NTNG1: variants seen among roughly 807,000 people sequenced by gnomAD.
NTNG1 encodes the protein netrin-G1.
In NTNG1, 16 loss-of-function variants were observed where a neutral mutation model predicts 54.0. The observed-to-expected ratio is 0.30, with a 90% CI of 0.20 to 0.45. NTNG1 has a LOEUF of 0.45. Among genes scored for constraint, NTNG1 ranks in the 20% least tolerant of loss-of-function variants. The pLI is 1.00. For synonymous variants in NTNG1, 255 were observed against 263.1 expected (o/e 0.97, Z 0.30); for missense variants, 530 against 678.7 (o/e 0.78, Z 2.43).
chr1:107,434,196 C>T (rs554384557), intron 6 of NTNG1, among the ~76,000 whole-genome samples: 3 of 152,302 alleles, frequency 2.0e-5, no homozygotes, highest in African/African-American at 7.2e-5. Flanking sequence ...CAACTCATAT[C>T]TTTGACAAAA....
At chr1:107,311,146 C>A (rs1207548053) in intron 2 of NTNG1, among the ~76,000 whole-genome samples, 1 of 152,168 alleles carries the variant, frequency 6.6e-6, no homozygotes, top group African/African-American at 2.4e-5. Context: ...CTTTTCCCGA[C>A]TGAGACACCT....
intron 2 of NTNG1, among the ~76,000 whole-genome samples, chr1:107,224,389 A>G (rs1397841175): frequency 6.6e-6 from 1 of 152,136 alleles, no homozygotes; most frequent in Non-Finnish European, 1.5e-5. Context: ...ATTTTCAGGA[A>G]AATTGGTGCT....
chr1:107,474,188 C>A (rs749966601), intron 7 of NTNG1, among the ~76,000 whole-genome samples: 4 of 152,176 alleles, frequency 2.6e-5, no homozygotes, highest in Middle Eastern at 6.8e-3. Flanking sequence ...TAAAATGAAC[C>A]TTTCTGTTTA....
chr1:107,386,958 C>A (rs1013359226), intron 3 of NTNG1, among the ~76,000 whole-genome samples: 4 of 152,140 alleles, frequency 2.6e-5, no homozygotes, highest in Admixed American at 2.6e-4. Flanking sequence ...TGTGAATCGG[C>A]GTCTCATTGT....
At chr1:107,473,051 T>C (rs1216129844) in intron 7 of NTNG1, among the ~76,000 whole-genome samples, 1 of 152,186 alleles carries the variant, frequency 6.6e-6, no homozygotes, top group African/African-American at 2.4e-5. Context: ...TGATGTTTCT[T>C]TGAAAAGGAC....
chr1:107,359,049 G>C (rs1433482672), intron 3 of NTNG1, among the ~76,000 whole-genome samples: 2 of 152,144 alleles, frequency 1.3e-5, no homozygotes, highest in Non-Finnish European at 2.9e-5. Flanking sequence ...CTAGAAATCT[G>C]AACAAGGCAA....
chr1:107,396,310 A>G (rs1423736218), intron 4 of NTNG1, among the ~76,000 whole-genome samples: 2 of 152,080 alleles, frequency 1.3e-5, no homozygotes, highest in African/African-American at 2.4e-5. Context: ...AAACCTAAGA[A>G]CTAGTATCAT....
chr1:107,364,789 G>A (rs1354318251), intron 3 of NTNG1, among the ~76,000 whole-genome samples: 5 of 152,074 alleles, frequency 3.3e-5, no homozygotes, highest in Admixed American at 6.6e-5. Flanking sequence ...TTCCAAGTGC[G>A]AAATTACCTG....
At chr1:107,167,820 C>CTT (rs997393658) in intron 2 of NTNG1, among the ~76,000 whole-genome samples, 3 of 150,666 alleles carry the variant, frequency 2.0e-5, no homozygotes, top group African/African-American at 7.3e-5. Flanking sequence ...TAAAGCCATT[C>CTT]TTTTTTTTTC....
rs1251273705 is a variant in NTNG1, at chr1:107,483,523, A to G, written c.*2683A>G. The G allele has an allele frequency of 2.0e-5, 3 of 152,144 alleles. No homozygotes were observed. The highest frequency in any genetic ancestry group is 7.2e-5 in the African/African-American group (3 of 41,426). The allele number at this position is 152,144 out of a possible 1,614,324, so 9.4% of individuals were successfully genotyped here. A position where few individuals can be genotyped will look rare whatever the true frequency, so the allele number is the denominator to read the frequency against. ...ATTCTCAAGTTCTTCTAAAGGAGCT[A>G]CTCCTCTGAGGAAACCTCAACTCAG... is the stretch of plus-strand genomic sequence containing the variant. On this transcript the variant is annotated 3_prime_UTR_variant, in exon 8 of 8. Transcript: ENST00000370068.
At chr1:107,289,921 A>G (rs1665471034) in intron 2 of NTNG1, among the ~76,000 whole-genome samples, 1 of 152,192 alleles carries the variant, frequency 6.6e-6, no homozygotes, top group African/African-American at 2.4e-5. Context: ...GAATATTTTC[A>G]TATGAAATCA....
intron 3 of NTNG1, among the ~76,000 whole-genome samples, chr1:107,394,422 A>G (rs1296541050): frequency 7.0e-6 from 1 of 143,242 alleles, no homozygotes; most frequent in African/African-American, 2.5e-5. Context: ...ACCCTGCCAC[A>G]TGAAGGATTT....
chr1:107,243,531 G>A (rs1661980534), intron 2 of NTNG1, among the ~76,000 whole-genome samples: 1 of 152,198 alleles, frequency 6.6e-6, no homozygotes, highest in Non-Finnish European at 1.5e-5. Context: ...AATTGTATAA[G>A]TTGGTTGTGC....
At chr1:107,283,053 C>A (rs1243264190) in intron 2 of NTNG1, among the ~76,000 whole-genome samples, 1 of 152,050 alleles carries the variant, frequency 6.6e-6, no homozygotes, top group Non-Finnish European at 1.5e-5. Flanking sequence ...TCTCAAAGGC[C>A]CCACTTCCTA....
At chr1:107,451,111 T>TC (rs998262163) in intron 7 of NTNG1, among the ~76,000 whole-genome samples, 5 of 148,418 alleles carry the variant, frequency 3.4e-5, no homozygotes, top group Middle Eastern at 3.5e-3. Context: ...TTTCTTTCTT[T>TC]TTTTTTTTTT....
intron 3 of NTNG1, among the ~76,000 whole-genome samples, chr1:107,375,428 G>C (rs150700197): frequency 6.6e-6 from 1 of 152,280 alleles, no homozygotes; most frequent in East Asian, 1.9e-4. Context: ...TTTCAGGTGG[G>C]AGGTTAAATA....
At chr1:107,392,165 G>A (rs544179966) in intron 3 of NTNG1, among the ~76,000 whole-genome samples, 18 of 152,224 alleles carry the variant, frequency 1.2e-4, no homozygotes, top group African/African-American at 4.1e-4. Flanking sequence ...TGGAGATACA[G>A]AGCCCAGACT....
At chr1:107,455,547 A>G (rs1042082086) in intron 7 of NTNG1, 6 of 447,670 alleles carry the variant, frequency 1.3e-5, no homozygotes, top group African/African-American at 8.0e-5. Context: ...AAAGTAATAA[A>G]TGCCTGACTC....
chr1:107,278,034 C>T (rs1479471277), intron 2 of NTNG1, among the ~76,000 whole-genome samples: 1 of 152,100 alleles, frequency 6.6e-6, no homozygotes, highest in East Asian at 1.9e-4. Flanking sequence ...GATTGGTTTC[C>T]CTGCTCAATC....
Sources: allele counts gnomAD v4.1 joint callset (sites outside exome capture counted in the v4.1 genomes callset), GRCh38; gene constraint gnomAD v4.1.1; transcripts MANE v1.5; gene names NCBI Gene and HGNC (gene_info 2026-07-23, HGNC 2026-07-21).